Variants in LRRIQ1 observed in about 807,000 individuals in gnomAD.
LRRIQ1 encodes the protein leucine rich repeats and IQ motif containing 1.
In LRRIQ1, 210 loss-of-function variants were observed where a neutral mutation model predicts 211.9. That is an observed-to-expected ratio of 0.99 (90% CI 0.89 to 1.11). The LOEUF is 1.11. Among genes scored for constraint, LRRIQ1 ranks in the 50% most tolerant of loss-of-function variants. The pLI is 0.00. For missense variants in LRRIQ1, 2,136 were observed against 1,939.5 expected, an observed-to-expected ratio of 1.10 and a Z score of -1.90; for synonymous variants, 699 against 650.1, an observed-to-expected ratio of 1.08 and a Z score of -1.14.
At chr12:85,179,838 G>A (rs17012624) in intron 24 of LRRIQ1, among the ~76,000 whole-genome samples, 2,160 of 151,628 alleles carry the variant, frequency 0.014, 47 homozygotes, top group African/African-American at 0.048. Context: ...CTGTAACATC[G>A]TCTGTGACTA....
chr12:85,217,718 A>AAGTATATATG (rs1894214521), intron 24 of LRRIQ1, among the ~76,000 whole-genome samples: 1 of 135,376 alleles, frequency 7.4e-6, no homozygotes, highest in African/African-American at 3.5e-5. Flanking sequence ...GTGTGTATAT[A>AAGTATATATG]TGTATATATG....
intron 11 of LRRIQ1, among the ~76,000 whole-genome samples, chr12:85,078,062 C>T (rs1298728925): frequency 6.6e-6 from 1 of 151,930 alleles, no homozygotes; most frequent in African/African-American, 2.4e-5. Context: ...AACCCGCCCA[C>T]CCCTTCCATC....
At chr12:85,038,461 C>T (rs1417885354) in intron 2 of LRRIQ1, among the ~76,000 whole-genome samples, 153 bp downstream of exon 2, 1 of 151,408 alleles carries the variant, frequency 6.6e-6, no homozygotes, top group Non-Finnish European at 1.5e-5. Context: ...ATATAGTCAC[C>T]TATACATCTT....
At chr12:85,193,802 G>C (rs1367176321) in intron 24 of LRRIQ1, among the ~76,000 whole-genome samples, 5 of 147,176 alleles carry the variant, frequency 3.4e-5, no homozygotes, top group Admixed American at 6.8e-5. Context: ...ATAATGACAG[G>C]ATCAAATTCA....
chr12:85,212,161 T>C (rs2137073944), intron 24 of LRRIQ1, among the ~76,000 whole-genome samples: 1 of 152,098 alleles, frequency 6.6e-6, no homozygotes, highest in African/African-American at 2.4e-5. Flanking sequence ...GGCATGCACC[T>C]GTAGTCCCAG....
rs191146328 is a variant in LRRIQ1 at position 85,245,018 on chromosome 12, G to A, written c.*77G>A. 6.6e-7 allele frequency: 1 copy of A among 1,526,438 alleles called. No homozygotes were observed. The highest frequency in any genetic ancestry group is 2.4e-5 in the East Asian group (1 of 41,440). 94.6% of individuals were successfully genotyped at this position (1,526,438 alleles called of 1,614,324 possible). On this transcript the variant is annotated 3_prime_UTR_variant, in exon 27 of 27. Coordinates refer to ENST00000393217, the MANE Select transcript of LRRIQ1 (RefSeq NM_001079910.2). ...ATAGGGGGTAGGATGCCAGCAACCT[G>A]AACTGCCCAAAAATGTGTATTTAAA...
chr12:85,199,610 C>T (rs1332536464), intron 24 of LRRIQ1, among the ~76,000 whole-genome samples: 2 of 152,142 alleles, frequency 1.3e-5, no homozygotes, highest in African/African-American at 2.4e-5. Flanking sequence ...GTTGAATTGA[C>T]TCACAATTCT....
rs758356512 is a variant in LRRIQ1 at position 85,056,830 on chromosome 12, T to A, written c.2037T>A (p.Gly679=). 6.2e-6 allele frequency: 10 copies of A among 1,612,826 alleles called. No homozygotes were observed. The highest frequency in any genetic ancestry group is 7.6e-6 in the Non-Finnish European group (9 of 1,179,436). Residue 679 remains glycine, a synonymous_variant, in exon 8 of 27, where the codon GGT becomes GGA. Transcript: ENST00000393217. ...GAAATGACCAAGATTATGTGTTAGG[T>A]AGACATGCTCCTTGTGAGGGCTTGA... The part of the protein sequence containing the change: ...GKRNDQDYVL[G]RHAPCEGLSN...
At chr12:85,251,781 A>G (rs1348152753) in intron 1 of LRRIQ1, among the ~76,000 whole-genome samples, 1 of 151,286 alleles carries the variant, frequency 6.6e-6, no homozygotes, top group Admixed American at 6.6e-5. Flanking sequence ...GTGGCGCAAA[A>G]AAAAAAAAAC....
chr12:85,083,926 T>C (rs1211699992), intron 11 of LRRIQ1, among the ~76,000 whole-genome samples: 1 of 152,188 alleles, frequency 6.6e-6, no homozygotes, highest in Non-Finnish European at 1.5e-5. Flanking sequence ...TTTTTATATG[T>C]CAGTAATTAT....
chr12:85,220,473 GT>G (rs1311982967), intron 24 of LRRIQ1, among the ~76,000 whole-genome samples: 16 of 151,658 alleles, frequency 1.1e-4, no homozygotes, highest in Non-Finnish European at 2.2e-4. Context: ...AAAGAATAAT[GT>G]TTCCATTAAT....
intron 24 of LRRIQ1, among the ~76,000 whole-genome samples, chr12:85,181,204 C>G (rs1333780429): frequency 6.6e-6 from 1 of 151,802 alleles, no homozygotes; most frequent in Admixed American, 6.6e-5. Context: ...TAAAAATTAA[C>G]TTAGTTTTTA....
chr12:85,200,951 C>G (rs938328032), intron 24 of LRRIQ1, among the ~76,000 whole-genome samples: 2 of 151,924 alleles, frequency 1.3e-5, no homozygotes, highest in African/African-American at 4.8e-5. Context: ...TCCCGAGTAG[C>G]TGGGACTGCA....
chr12:85,135,657 A>G (rs905161457), intron 18 of LRRIQ1, among the ~76,000 whole-genome samples: 1 of 152,038 alleles, frequency 6.6e-6, no homozygotes, highest in African/African-American at 2.4e-5. Flanking sequence ...GGTCACCAAA[A>G]TGGGTACTAT....
intron 24 of LRRIQ1, among the ~76,000 whole-genome samples, chr12:85,218,003 G>C (rs1473907582): frequency 6.6e-6 from 1 of 151,804 alleles, no homozygotes; most frequent in East Asian, 1.9e-4. Context: ...ATTAAATTGA[G>C]ATGGTGAAAC....
chr12:85,122,396 G>A (rs972299490), intron 16 of LRRIQ1, among the ~76,000 whole-genome samples: 12 of 152,104 alleles, frequency 7.9e-5, no homozygotes, highest in African/African-American at 2.9e-4. Context: ...TACAGAAGTT[G>A]ACAGTAATCA....
rs1001996676 is a variant in LRRIQ1 at position 85,165,010 on chromosome 12, T to C, written c.4822+4296T>C. The stretch of plus-strand genomic sequence containing the variant: ...AGGATATCATTTAGTGCCAACATGG[T>C]AATGAAGATTTGATTTGTGACCTAT... On this transcript the variant is annotated intron_variant, in intron 24 of 26. Transcript: ENST00000393217. 2.0e-5 allele frequency among the ~76,000 whole-genome samples: 3 copies of C among 152,184 alleles called. No homozygotes were observed. The South Asian group carries it at 6.2e-4, about 32-fold the overall frequency.
chr12:85,088,959 CA>C (rs1885107952), intron 11 of LRRIQ1, among the ~76,000 whole-genome samples: 1 of 152,126 alleles, frequency 6.6e-6, no homozygotes, highest in Non-Finnish European at 1.5e-5. Context: ...TTGCCCTGGC[CA>C]AAACTTCCAA....
At position 85,066,802 on chromosome 12, in the gene LRRIQ1, C is replaced by G. The variant is rs770410596; in HGVS notation, c.2599C>G (p.Leu867Val). 13 of 1,599,386 alleles carry G rather than the reference C, an allele frequency of 8.1e-6. No individual in the cohort carries two copies. In the Admixed American group the frequency reaches 1.7e-4, roughly 21 times the overall value. The change falls in exon 10 of 27, where the codon CTT (leucine) becomes GTT (valine). Residue 867 changes from leucine to valine, a missense_variant. Coordinates refer to ENST00000393217, the MANE Select transcript of LRRIQ1 (RefSeq NM_001079910.2). Reference protein sequence around the residue: ...CENLENLCVVLLNKNQLTSLH... With the variant: ...CENLENLCVVVLNKNQLTSLH... ...AAATTTGGAAAATCTCTGTGTTGTT[C>G]TTCTTAATAAAAATCAACTGACTTC...
Sources: allele counts gnomAD v4.1 joint callset (sites outside exome capture counted in the v4.1 genomes callset), GRCh38; gene constraint gnomAD v4.1.1; transcripts MANE v1.5; gene names NCBI Gene and HGNC (gene_info 2026-07-23, HGNC 2026-07-21).